The following CLNK variants were observed in gnomAD, a reference collection of about 807,000 sequenced individuals.
CLNK encodes cytokine-dependent hematopoietic cell linker.
CLNK carries 74 observed loss-of-function variants against 68.6 expected under a neutral mutation model. The ratio of observed to expected loss-of-function variants is 1.08; its 90% CI spans 0.89 to 1.31. CLNK has a LOEUF of 1.31. Ranked by LOEUF, CLNK falls within the 50% of genes most tolerant of loss-of-function variation. The pLI is 0.00. For synonymous variants in CLNK, 198 were observed against 172.2 expected, an observed-to-expected ratio of 1.15 and a Z score of -1.17; for missense variants, 553 against 515.3, an observed-to-expected ratio of 1.07 and a Z score of -0.71.
chr4:10,644,406 C>T (rs902961929), intron 2 of CLNK, among the ~76,000 whole-genome samples: 30 of 152,296 alleles, frequency 2.0e-4, no homozygotes, highest in Admixed American at 1.9e-3. Flanking sequence ...TTGGTTAAAC[C>T]TCACAACTGA....
At chr4:10,545,798 C>G (rs372596587) in intron 8 of CLNK, among the ~76,000 whole-genome samples, 2 of 152,308 alleles carry the variant, frequency 1.3e-5, no homozygotes, top group East Asian at 3.9e-4. Context: ...CTCCACAGCT[C>G]TTGCTTTCTG....
chr4:10,523,305 C>G (rs1015375440), intron 14 of CLNK, among the ~76,000 whole-genome samples: 2 of 152,120 alleles, frequency 1.3e-5, no homozygotes, highest in African/African-American at 4.8e-5. Flanking sequence ...TCTGTGCTGC[C>G]TGGGACTGAG....
intron 4 of CLNK, among the ~76,000 whole-genome samples, chr4:10,576,609 G>C (rs1212356980): frequency 6.6e-6 from 1 of 152,192 alleles, no homozygotes; most frequent in Admixed American, 6.5e-5. Context: ...TGTCTGCAGA[G>C]GTCCAGCCAA....
At chr4:10,581,455 A>C (rs1436476926) in intron 4 of CLNK, among the ~76,000 whole-genome samples, 1 of 152,182 alleles carries the variant, frequency 6.6e-6, no homozygotes, top group African/African-American at 2.4e-5. Context: ...GAAGATTATG[A>C]GCTAATAATT....
the CLNK span, among the ~76,000 whole-genome samples, chr4:10,727,602 C>T: frequency 6.6e-6 from 1 of 152,214 alleles, no homozygotes; most frequent in Non-Finnish European, 1.5e-5. Flanking sequence ...TATGGGCCTG[C>T]AGTGCCATTC....
At position 10,674,912 on chromosome 4, in the gene CLNK, G is replaced by A. The variant is rs376557653; in HGVS notation, c.-42-7001C>T. On this transcript the variant is annotated intron_variant, in intron 1 of 18. Transcript: ENST00000226951. Reference sequence around the variant, plus strand: ...AGAATGATGGCCTCCAGCTTCATCCGTGTTCATGTTCATGAGAATACATGG... The same window carrying A: ...AGAATGATGGCCTCCAGCTTCATCCATGTTCATGTTCATGAGAATACATGG... Among the ~76,000 whole-genome samples the A allele has an allele frequency of 6.6e-5, 10 of 151,804 alleles. 1 individual carries two copies. Among genetic ancestry groups the A allele is most frequent in the African/African-American group, 2.2e-4 (9 of 41,324 alleles).
At chr4:10,599,357 G>C (rs1022403437) in intron 2 of CLNK, among the ~76,000 whole-genome samples, 3 of 152,160 alleles carry the variant, frequency 2.0e-5, no homozygotes, top group African/African-American at 4.8e-5. Context: ...TTAAAAATCT[G>C]CGAGTTGTTT....
chr4:10,608,047 T>G (rs1448307322), intron 2 of CLNK, among the ~76,000 whole-genome samples: 3 of 152,188 alleles, frequency 2.0e-5, no homozygotes, highest in Non-Finnish European at 4.4e-5. Flanking sequence ...AAAAAATCCA[T>G]GTACTTGGAG....
chr4:10,584,122 G>A (rs1241060739), intron 4 of CLNK, among the ~76,000 whole-genome samples: 1 of 152,210 alleles, frequency 6.6e-6, no homozygotes, highest in Non-Finnish European at 1.5e-5. Flanking sequence ...GAGGGATTAA[G>A]GCTGGGTGCT....
At chr4:10,612,757 A>G (rs1577167503) in intron 2 of CLNK, among the ~76,000 whole-genome samples, 2 of 152,330 alleles carry the variant, frequency 1.3e-5, no homozygotes, top group East Asian at 3.9e-4. Flanking sequence ...CAAAGCACTT[A>G]TCAAAAGATA....
chr4:10,697,779 T>G, the CLNK span: 1 of 152,212 alleles, frequency 6.6e-6, no homozygotes. Flanking sequence ...CTGGGAACAT[T>G]GAACTGTAAC....
intron 3 of CLNK, among the ~76,000 whole-genome samples, chr4:10,591,767 T>C (rs1352413269): frequency 6.6e-6 from 1 of 152,236 alleles, no homozygotes; most frequent in Admixed American, 6.5e-5. Flanking sequence ...GGAGAGCCTC[T>C]CTCAATCCAG....
chr4:10,616,921 C>T lies in CLNK; in HGVS notation c.12-18872G>A, dbSNP rs780769365. ...CTTAAAGCATTGCCATTTATAATGT[C>T]TGTGGTAGAACGAACTCAGCTTGGG... On this transcript the variant is annotated intron_variant, in intron 2 of 18. Coordinates refer to ENST00000226951, the MANE Select transcript of CLNK (RefSeq NM_052964.4). 7.9e-5 allele frequency among the ~76,000 whole-genome samples: 12 copies of T among 151,474 alleles called. No homozygotes were observed. The South Asian group carries it at 2.5e-3, about 32-fold the overall frequency.
chr4:10,730,804 G>GT, the CLNK span, among the ~76,000 whole-genome samples: 68 of 151,762 alleles, frequency 4.5e-4, no homozygotes, highest in African/African-American at 1.4e-3. Flanking sequence ...GTGTATGAGG[G>GT]TTTTTTTTAA....
the CLNK span, among the ~76,000 whole-genome samples, chr4:10,709,014 A>G: frequency 1.3e-5 from 2 of 152,214 alleles, no homozygotes; most frequent in Non-Finnish European, 2.9e-5. Context: ...GACCTACCAA[A>G]CAGCATTAAA....
chr4:10,684,126 A>G (rs1488845170), intron 1 of CLNK, among the ~76,000 whole-genome samples: 1 of 152,170 alleles, frequency 6.6e-6, no homozygotes, highest in African/African-American at 2.4e-5. Flanking sequence ...CCCAACTTTA[A>G]CCTCACTTTT....
At chr4:10,521,037 G>A (rs1402711727) in intron 14 of CLNK, among the ~76,000 whole-genome samples, 9 of 152,144 alleles carry the variant, frequency 5.9e-5, no homozygotes, top group Middle Eastern at 3.2e-3. Flanking sequence ...TATATTAGAC[G>A]TGGAACAAAC....
intron 2 of CLNK, among the ~76,000 whole-genome samples, chr4:10,641,932 C>T (rs1055290502): frequency 6.6e-6 from 1 of 152,156 alleles, no homozygotes; most frequent in African/African-American, 2.4e-5. Flanking sequence ...TCTCTCTTGC[C>T]TGCCACCATG....
intron 2 of CLNK, among the ~76,000 whole-genome samples, chr4:10,608,389 C>T (rs979877941): frequency 6.6e-6 from 1 of 152,176 alleles, no homozygotes; most frequent in African/African-American, 2.4e-5. Context: ...TCCAACTCTC[C>T]TTGGTCTTCT....
Sources: gnomAD v4.1 joint callset for allele counts (sites outside exome capture counted in the v4.1 genomes callset) on GRCh38, gnomAD v4.1.1 for gene constraint, MANE v1.5 for transcripts, NCBI Gene and HGNC (gene_info 2026-07-23, HGNC 2026-07-21) for gene names.